CSMD3: variants seen among roughly 807,000 people sequenced by gnomAD.
CSMD3 encodes the protein CUB and sushi domain-containing protein 3.
In CSMD3, 177 loss-of-function variants were observed where a neutral mutation model predicts 435.2. That is an observed-to-expected ratio of 0.41 (90% confidence interval 0.36 to 0.46). The LOEUF (loss-of-function observed/expected upper bound fraction) is 0.46. Among genes scored for constraint, CSMD3 ranks in the 20% least tolerant of loss-of-function variants. The pLI is 0.34. For missense variants in CSMD3, 4,265 were observed against 4,504.6 expected (o/e 0.95, Z 1.52); for synonymous variants, 1,656 against 1,520.5 (o/e 1.09, Z -2.07).
chr8:112,377,859 A>G (rs1440442960), intron 38 of CSMD3, among the ~76,000 whole-genome samples: 1 of 152,132 alleles, frequency 6.6e-6, no homozygotes, highest in African/African-American at 2.4e-5. Flanking sequence ...AACATAATAA[A>G]GACCATATAT....
At chr8:112,591,317 A>G (rs1332045067) in intron 22 of CSMD3, among the ~76,000 whole-genome samples, 2 of 152,256 alleles carry the variant, frequency 1.3e-5, no homozygotes, top group Middle Eastern at 3.4e-3. Context: ...AGAAATGTGT[A>G]CTGAAATTTG....
chr8:113,055,312 G>A (rs188707115), intron 5 of CSMD3, among the ~76,000 whole-genome samples: 8 of 152,150 alleles, frequency 5.3e-5, no homozygotes, highest in Admixed American at 3.9e-4. Context: ...CACCGCGCCC[G>A]GCCTTGAGAA....
At chr8:113,103,303 G>A (rs781682085) in intron 4 of CSMD3, among the ~76,000 whole-genome samples, 10 of 152,224 alleles carry the variant, frequency 6.6e-5, no homozygotes, top group Non-Finnish European at 1.5e-4. Flanking sequence ...AAAAACAATG[G>A]TGGATTCTCT....
chr8:113,020,161 C>T (rs933586169), intron 5 of CSMD3, among the ~76,000 whole-genome samples: 1 of 105,518 alleles, frequency 9.5e-6, no homozygotes, highest in African/African-American at 4.3e-5. Flanking sequence ...CAGAGCGAGA[C>T]TCCGTCTCAA....
At chr8:112,350,465 A>G (rs1826035138) in intron 40 of CSMD3, among the ~76,000 whole-genome samples, 1 of 152,086 alleles carries the variant, frequency 6.6e-6, no homozygotes, top group African/African-American at 2.4e-5. Flanking sequence ...TAATGATAAA[A>G]TTTAACTCTA....
chr8:112,282,929 C>T (rs1380311919), intron 58 of CSMD3, among the ~76,000 whole-genome samples: 2 of 152,152 alleles, frequency 1.3e-5, no homozygotes, highest in East Asian at 3.9e-4. Flanking sequence ...AGTCATTTCC[C>T]AGCAGTCAAC....
intron 12 of CSMD3, 152 bp downstream of exon 12, chr8:112,829,534 A>G (rs563126980): frequency 8.8e-6 from 6 of 682,450 alleles, no homozygotes; most frequent in Admixed American, 8.5e-5. Context: ...AAGAAGCACT[A>G]ACAGATTCTA....
At chr8:112,450,955 C>T (rs1816194113) in intron 32 of CSMD3, among the ~76,000 whole-genome samples, 1 of 152,006 alleles carries the variant, frequency 6.6e-6, no homozygotes, top group African/African-American at 2.4e-5. Context: ...CATATATAAA[C>T]ATGTTTATTA....
In CSMD3 at chr8:112,265,473, C is replaced by T. The variant is rs759084585; in HGVS notation, c.9626G>A (p.Gly3209Asp). 1 of 1,613,778 alleles carries T rather than the reference C, an allele frequency of 6.2e-7. No homozygotes were observed. The highest frequency in any genetic ancestry group is 8.5e-7 in the Non-Finnish European group (1 of 1,179,766). Reference protein sequence around the residue: ...CQPGYTMELNGSRIRTCTING... With the variant: ...CQPGYTMELNDSRIRTCTING... ...AATTGTACAAGTCCTGATTCTGGAG[C>T]CATTCAATTCCATCGTGTAGCCTGG... The change falls in exon 60 of 71, where the codon GGC (glycine) becomes GAC (aspartate). Residue 3209 changes from glycine (G) to aspartate (D), a missense_variant. Physicochemically the swap from Gly to Asp is moderately conservative, Grantham distance 94. Coordinates refer to ENST00000297405, the MANE Select transcript of CSMD3 (RefSeq NM_198123.2).
chr8:113,201,490 G>A (rs1292105654), intron 3 of CSMD3, among the ~76,000 whole-genome samples: 1 of 151,904 alleles, frequency 6.6e-6, no homozygotes, highest in Non-Finnish European at 1.5e-5. Flanking sequence ...ATTGACAGCT[G>A]TTTATTAGAT....
chr8:112,473,467 T>C (rs1303636278), intron 31 of CSMD3, among the ~76,000 whole-genome samples: 1 of 151,994 alleles, frequency 6.6e-6, no homozygotes, highest in African/African-American at 2.4e-5. Context: ...GAAAAGTATG[T>C]AGAATGAGAA....
At chr8:112,423,420 T>C (rs1586276479) in intron 32 of CSMD3, among the ~76,000 whole-genome samples, 1 of 152,270 alleles carries the variant, frequency 6.6e-6, no homozygotes, top group East Asian at 1.9e-4. Context: ...ATTTGGTATG[T>C]GCAAAGCACT....
At chr8:113,020,849 A>G (rs957630362) in intron 5 of CSMD3, among the ~76,000 whole-genome samples, 1 of 152,142 alleles carries the variant, frequency 6.6e-6, no homozygotes, top group Non-Finnish European at 1.5e-5. Flanking sequence ...GTCATTGTAT[A>G]TGTAATCAGT....
At chr8:112,721,254 T>C (rs958556613) in intron 13 of CSMD3, among the ~76,000 whole-genome samples, 5 of 152,168 alleles carry the variant, frequency 3.3e-5, no homozygotes, top group Non-Finnish European at 7.4e-5. Flanking sequence ...GTGACTTATT[T>C]GACCTCAGTA....
At chr8:113,297,914 T>C (rs1377818835) in intron 2 of CSMD3, among the ~76,000 whole-genome samples, 2 of 152,118 alleles carry the variant, frequency 1.3e-5, no homozygotes, top group East Asian at 3.8e-4. Context: ...TTTCTGCTTT[T>C]ATTAAAACAC....
chr8:112,421,005 T>A (rs1812436027), intron 32 of CSMD3, among the ~76,000 whole-genome samples: 1 of 152,108 alleles, frequency 6.6e-6, no homozygotes, highest in Non-Finnish European at 1.5e-5. Flanking sequence ...AAAGTTCCAT[T>A]TACTAAGGGC....
At chr8:112,902,311 G>C (rs928268907) in intron 10 of CSMD3, among the ~76,000 whole-genome samples, 3 of 151,202 alleles carry the variant, frequency 2.0e-5, no homozygotes, top group Admixed American at 1.3e-4. Context: ...TATGATCAAA[G>C]GGTAGGTCAA....
At chr8:112,972,525 A>C (rs1373518587) in intron 7 of CSMD3, among the ~76,000 whole-genome samples, 1 of 151,896 alleles carries the variant, frequency 6.6e-6, no homozygotes, top group Non-Finnish European at 1.5e-5. Flanking sequence ...GTAATACAAT[A>C]AAAGCAATAT....
chr8:112,425,965 A>G (rs1206407950), intron 32 of CSMD3, among the ~76,000 whole-genome samples: 1 of 152,168 alleles, frequency 6.6e-6, no homozygotes, highest in Non-Finnish European at 1.5e-5. Context: ...TCTAAATTTT[A>G]AGCAGAAACA....
Sources: allele counts gnomAD v4.1 joint callset (sites outside exome capture counted in the v4.1 genomes callset), GRCh38; gene constraint gnomAD v4.1.1; transcripts MANE v1.5; gene names NCBI Gene and HGNC (gene_info 2026-07-23, HGNC 2026-07-21).